MBOAT7: variants seen among roughly 807,000 people sequenced by gnomAD.
MBOAT7 encodes the protein membrane bound acylglycerophosphatidylinositol O-acyltransferase MBOAT7.
In MBOAT7, 40 loss-of-function variants were observed where a neutral mutation model predicts 47.4. That is an observed-to-expected ratio of 0.84 (90% CI 0.66 to 1.10). The LOEUF is 1.10. Ranked by LOEUF, MBOAT7 falls within the 50% of genes least tolerant of loss-of-function variation. MBOAT7 has a pLI of 0.00. For missense variants in MBOAT7, 680 were observed against 655.6 expected, an observed-to-expected ratio of 1.04 and a Z score of -0.41; for synonymous variants, 361 against 292.0, an observed-to-expected ratio of 1.24 and a Z score of -2.41.
At chr19:54,188,394 C>T in intron 2 of MBOAT7, 39 bp downstream of exon 2, 4 of 1,590,902 alleles carry the variant, frequency 2.5e-6, no homozygotes, top group Non-Finnish European at 3.4e-6. Context: ...CAGAGGGTCC[C>T]CCCCCTTTAT....
At chr19:54,174,548 C>T (rs2076024864) in intron 7 of MBOAT7, 117 bp from the exon 8 acceptor site, 9 of 1,082,334 alleles carry the variant, frequency 8.3e-6, no homozygotes, top group South Asian at 3.6e-5. Context: ...AGTGCAGGCC[C>T]AGCCCCTCCT....
At chr19:54,175,027 G>C (rs1454445624) in intron 7 of MBOAT7, among the ~76,000 whole-genome samples, 1 of 143,668 alleles carries the variant, frequency 7.0e-6, no homozygotes, top group Non-Finnish European at 1.5e-5. Flanking sequence ...CCAGGCTAGA[G>C]TGCAGTGGCG....
Position 54,180,314 on chromosome 19 carries a change from A to C in MBOAT7, c.854+459T>G. 1 of 156,950 alleles carries C rather than the reference A, an allele frequency of 6.4e-6. No homozygotes were observed. The highest frequency in any genetic ancestry group is 1.4e-5 in the Non-Finnish European group (1 of 71,468). 9.7% of individuals were successfully genotyped at this position (156,950 alleles called of 1,614,324 possible). On this transcript the variant is annotated intron_variant, in intron 6 of 7. Coordinates refer to ENST00000245615, the MANE Select transcript of MBOAT7 (RefSeq NM_024298.5). This position sits in a 1 kb window ranked among gnomAD's most constrained non-coding sequence, Gnocchi z 5.2. ...GCAACAGAGCAAAACTTCTGGTAAA[A>C]AGGAGGTGAGCTACTGTTGCTAGGG...
Position 54,173,971 on chromosome 19 carries a change from T to C in MBOAT7, c.*73A>G, listed in dbSNP as rs1354288436. On this transcript the variant is annotated 3_prime_UTR_variant, in exon 8 of 8. Transcript: ENST00000245615. ...AGGACCCTCTCCAAGGTAAGGACTC[T>C]TTCTGGGGAGGAGACAGCAGCCTGG... 1 of 1,482,386 alleles carries C rather than the reference T, an allele frequency of 6.7e-7. No homozygotes were observed. Among genetic ancestry groups the C allele is most frequent in the African/African-American group, 1.4e-5 (1 of 70,400 alleles). The allele number at this position is 1,482,386 out of a possible 1,614,324, so 91.8% of individuals were successfully genotyped here.
rs75158883 is a variant in MBOAT7 at position 54,174,779 on chromosome 19, A to G, written c.1032-348T>C. ...GGAGACCAGGCCCCAGGCCCTCCCC[A>G]CTCAGACCCATGACCCTAGCTCCGG... On this transcript the variant is annotated intron_variant, in intron 7 of 7. Coordinates refer to ENST00000245615, the MANE Select transcript of MBOAT7 (RefSeq NM_024298.5). Among the ~76,000 whole-genome samples, 1,467 of 151,228 alleles carry G rather than the reference A, an allele frequency of 9.7e-3. 35 individuals carry two copies. Among genetic ancestry groups the G allele is most frequent in the East Asian group, 0.084 (430 of 5,096 alleles).
intron 4 of MBOAT7, among the ~76,000 whole-genome samples, chr19:54,185,014 A>C (rs1479505321): frequency 1.3e-5 from 2 of 151,858 alleles, no homozygotes; most frequent in Non-Finnish European, 2.9e-5. Flanking sequence ...GTTTGAGACC[A>C]GCCCGGCCAA....
At chr19:54,182,883 T>C (rs1012580796) in intron 5 of MBOAT7, among the ~76,000 whole-genome samples, 1 of 152,114 alleles carries the variant, frequency 6.6e-6, no homozygotes, top group Non-Finnish European at 1.5e-5. Flanking sequence ...GTATTTTCAG[T>C]AGAGACGGGG....
intron 5 of MBOAT7, among the ~76,000 whole-genome samples, chr19:54,182,733 C>G (rs1467288287): frequency 2.0e-5 from 3 of 152,114 alleles, no homozygotes; most frequent in African/African-American, 4.8e-5. Flanking sequence ...TGGAGTCTTG[C>G]TCTGTTGCCC....
chr19:54,177,662 C>T lies in MBOAT7; in HGVS notation c.1031+1103G>A, dbSNP rs536084839. Among the ~76,000 whole-genome samples the T allele has an allele frequency of 7.9e-5, 12 of 151,960 alleles. No homozygotes were observed. The South Asian group carries it at 1.9e-3, about 24-fold the overall frequency. On this transcript the variant is annotated intron_variant, in intron 7 of 7. Coordinates refer to ENST00000245615, the MANE Select transcript of MBOAT7 (RefSeq NM_024298.5). ...GGTGACCTTGGCTCACCGCAACCTC[C>T]GCCTCCCGGGTTCAAGTGATTCTCT...
At chr19:54,178,608 A>G (rs985377901) in intron 7 of MBOAT7, 157 bp downstream of exon 7, 27 of 1,428,856 alleles carry the variant, frequency 1.9e-5, no homozygotes, top group Middle Eastern at 5.1e-4. Flanking sequence ...GCATGCTGCC[A>G]CTATAATTAG....
At chr19:54,187,928 T>C (rs1420116534) in intron 3 of MBOAT7, among the ~76,000 whole-genome samples, 1 of 151,692 alleles carries the variant, frequency 6.6e-6, no homozygotes, top group East Asian at 1.9e-4. Context: ...GGCAAGAGAA[T>C]CGCTTGAACC....
At chr19:54,178,654 C>A in intron 7 of MBOAT7, 111 bp downstream of exon 7, 1 of 1,480,146 alleles carries the variant, frequency 6.8e-7, no homozygotes, top group Non-Finnish European at 9.0e-7. Flanking sequence ...AACTACAATT[C>A]CCATGAGCCT....
In MBOAT7 at chr19:54,180,493, G is replaced by C; in HGVS notation, c.854+280C>G. Reference sequence around the variant, plus strand: ...ACACTTCTGTGGCAACAGAGGGGTGGCACAGGGTTGCTAAGTTACCACCTT... The same window carrying C: ...ACACTTCTGTGGCAACAGAGGGGTGCCACAGGGTTGCTAAGTTACCACCTT... On this transcript the variant is annotated intron_variant, in intron 6 of 7. Coordinates refer to ENST00000245615, the MANE Select transcript of MBOAT7 (RefSeq NM_024298.5). The surrounding 1 kb of genome is among the most constrained non-coding windows in gnomAD (Gnocchi z 5.2). 2.4e-6 allele frequency: 1 copy of C among 408,776 alleles called. No homozygotes were observed. Among genetic ancestry groups the C allele is most frequent in the Non-Finnish European group, 4.4e-6 (1 of 229,238 alleles). 25.3% of individuals were successfully genotyped at this position (408,776 alleles called of 1,614,324 possible).
intron 7 of MBOAT7, among the ~76,000 whole-genome samples, chr19:54,174,979 T>G (rs547346372): frequency 6.7e-6 from 1 of 150,316 alleles, no homozygotes; most frequent in Admixed American, 6.6e-5. Flanking sequence ...CCAGTGGTTT[T>G]TTTTTTTTTT....
At chr19:54,177,553 C>T (rs532463668) in intron 7 of MBOAT7, among the ~76,000 whole-genome samples, 36 of 152,028 alleles carry the variant, frequency 2.4e-4, no homozygotes, top group African/African-American at 8.0e-4. Context: ...CCTTGGCCTC[C>T]CAAATTGCTG....
At chr19:54,177,013 A>G (rs1195424842) in intron 7 of MBOAT7, among the ~76,000 whole-genome samples, 1 of 151,890 alleles carries the variant, frequency 6.6e-6, no homozygotes. Context: ...CTTGAGGCCA[A>G]GAGTTCGAGA....
At chr19:54,183,170 A>G (rs2076334847) in intron 5 of MBOAT7, among the ~76,000 whole-genome samples, 1 of 152,136 alleles carries the variant, frequency 6.6e-6, no homozygotes, top group Admixed American at 6.6e-5. Context: ...CCAGATGAAA[A>G]ATATTTCCTT....
At chr19:54,175,178 C>G (rs952060720) in intron 7 of MBOAT7, among the ~76,000 whole-genome samples, 1 of 152,090 alleles carries the variant, frequency 6.6e-6, no homozygotes, top group Non-Finnish European at 1.5e-5. Context: ...CGGGGTTTCA[C>G]CGTGTTAGCC....
At chr19:54,185,607 A>G (rs776782867) in intron 4 of MBOAT7, among the ~76,000 whole-genome samples, 12 of 152,192 alleles carry the variant, frequency 7.9e-5, no homozygotes, top group Non-Finnish European at 1.2e-4. Context: ...GACTCGGACA[A>G]AGGAGGATCC....
Sources: allele counts gnomAD v4.1 joint callset (sites outside exome capture counted in the v4.1 genomes callset), GRCh38; gene constraint gnomAD v4.1.1; non-coding constraint Gnocchi (gnomAD v3.1); transcripts MANE v1.5; gene names NCBI Gene and HGNC (gene_info 2026-07-23, HGNC 2026-07-21).